GOPC: variants seen among roughly 807,000 people sequenced by gnomAD.
GOPC encodes Golgi-associated PDZ and coiled-coil motif-containing protein.
GOPC carries 32 observed loss-of-function variants against 51.2 expected under a neutral mutation model. The observed-to-expected ratio is 0.63, with a 90% CI of 0.47 to 0.84. GOPC has a LOEUF of 0.84. GOPC is among the 40% of genes least tolerant of loss of function. GOPC has a pLI of 0.00. For missense variants in GOPC, 441 were observed against 555.5 expected (o/e 0.79, Z 2.07); for synonymous variants, 190 against 205.1 (o/e 0.93, Z 0.63).
In GOPC at chr6:117,562,206, C is replaced by T. The variant is rs1275247937; in HGVS notation, c.*1048G>A. The T allele has an allele frequency of 4.8e-6, 1 of 207,668 alleles. No homozygotes were observed. Among genetic ancestry groups the T allele is most frequent in the Non-Finnish European group, 9.8e-6 (1 of 101,960 alleles). 12.9% of individuals were successfully genotyped at this position (207,668 alleles called of 1,614,324 possible). On this transcript the variant is annotated 3_prime_UTR_variant, in exon 9 of 9. Transcript: ENST00000368498. The stretch of plus-strand genomic sequence containing the variant: ...AGAGCTTTAGTCAAACATAAACTGA[C>T]ATGAAAACCCAACCAAAACAATTAC...
At chr6:117,570,783 C>T (rs1182382742) in intron 6 of GOPC, 77 bp downstream of exon 6, 15 of 561,810 alleles carry the variant, frequency 2.7e-5, no homozygotes, top group Non-Finnish European at 4.3e-5. Context: ...ATATTCTGTT[C>T]CCCAGTGATG....
rs1479231877 is a variant in GOPC at position 117,562,345 on chromosome 6, T to C, written c.*909A>G. The stretch of plus-strand genomic sequence containing the variant: ...TGTACTGTGTTTCATGACATAGTAA[T>C]AAATCTGAACTTTTACTACCAGAAA... On this transcript the variant is annotated 3_prime_UTR_variant, in exon 9 of 9. Transcript: ENST00000368498. 6 of 199,752 alleles carry C rather than the reference T, an allele frequency of 3.0e-5. No individual in the cohort carries two copies. Among genetic ancestry groups the C allele is most frequent in the Non-Finnish European group, 6.2e-5 (6 of 96,840 alleles). The allele number at this position is 199,752 out of a possible 1,614,324, so 12.4% of individuals were successfully genotyped here.
chr6:117,587,551 G>GAGCTGT (rs1212386808), intron 1 of GOPC, among the ~76,000 whole-genome samples: 1 of 151,524 alleles, frequency 6.6e-6, no homozygotes, highest in Non-Finnish European at 1.5e-5. Context: ...AAATTGTAAT[G>GAGCTGT]AGCTGTATGA....
chr6:117,565,807 C>T (rs779660741), intron 8 of GOPC, among the ~76,000 whole-genome samples: 15 of 152,032 alleles, frequency 9.9e-5, no homozygotes, highest in African/African-American at 2.4e-4. Flanking sequence ...CCAAATAGTC[C>T]GAAAATCCAT....
rs532861332 is a variant in GOPC at position 117,574,674 on chromosome 6, T to C, written c.650+503A>G. Among the ~76,000 whole-genome samples the C allele has an allele frequency of 5.6e-4, 86 of 152,320 alleles. 1 individual carries two copies. The highest frequency in any genetic ancestry group is 1.9e-3 in the African/African-American group (80 of 41,564). ...GTGTGTAAACTAAACATATTTAGTA[T>C]GGATAACTAGATCTGCGATACATAA... On this transcript the variant is annotated intron_variant, in intron 4 of 8. Coordinates refer to ENST00000368498, the MANE Select transcript of GOPC (RefSeq NM_020399.4).
At chr6:117,564,533 A>G (rs576348154) in intron 8 of GOPC, among the ~76,000 whole-genome samples, 12 of 152,212 alleles carry the variant, frequency 7.9e-5, no homozygotes, top group Non-Finnish European at 4.4e-5. Flanking sequence ...AGTGTTGACT[A>G]TATCACCTAT....
chr6:117,574,321 T>A (rs1779847879), intron 4 of GOPC, among the ~76,000 whole-genome samples: 1 of 152,210 alleles, frequency 6.6e-6, no homozygotes, highest in Non-Finnish European at 1.5e-5. Flanking sequence ...ATTTTTTCTT[T>A]GTTCCATGTT....
chr6:117,593,425 G>C (rs916394430), intron 1 of GOPC, among the ~76,000 whole-genome samples: 1 of 151,918 alleles, frequency 6.6e-6, no homozygotes, highest in Non-Finnish European at 1.5e-5. Context: ...TGTTTTATTT[G>C]TTTTTATTTA....
At chr6:117,581,506 T>G (rs1040801210) in intron 1 of GOPC, among the ~76,000 whole-genome samples, 1 of 151,900 alleles carries the variant, frequency 6.6e-6, no homozygotes, top group African/African-American at 2.4e-5. Flanking sequence ...AGGATCCTTC[T>G]TTTGACCCGC....
intron 1 of GOPC, among the ~76,000 whole-genome samples, chr6:117,580,251 A>T (rs1013202140): frequency 6.6e-6 from 1 of 152,122 alleles, no homozygotes; most frequent in Non-Finnish European, 1.5e-5. Flanking sequence ...TGCATAAAAG[A>T]TGCTCAAATT....
At chr6:117,570,635 T>G (rs1195307247) in intron 6 of GOPC, among the ~76,000 whole-genome samples, 2 of 152,012 alleles carry the variant, frequency 1.3e-5, no homozygotes, top group African/African-American at 4.8e-5. Context: ...TGAATCATAA[T>G]AAAAATGTTA....
chr6:117,589,224 T>C (rs1023263241), intron 1 of GOPC, among the ~76,000 whole-genome samples: 2 of 152,228 alleles, frequency 1.3e-5, no homozygotes, highest in Non-Finnish European at 2.9e-5. Context: ...ATAGGAGGGA[T>C]ACCCAAATGT....
intron 1 of GOPC, among the ~76,000 whole-genome samples, chr6:117,597,264 A>G (rs1250320064): frequency 1.3e-5 from 2 of 152,194 alleles, no homozygotes; most frequent in African/African-American, 4.8e-5. Context: ...GAATTCATTT[A>G]CCAGTTCTAG....
At chr6:117,594,913 C>T (rs1265499075) in intron 1 of GOPC, among the ~76,000 whole-genome samples, 1 of 152,172 alleles carries the variant, frequency 6.6e-6, no homozygotes, top group Non-Finnish European at 1.5e-5. Flanking sequence ...GGTTCACAAT[C>T]TTTATTCTAT....
In GOPC at chr6:117,602,457, G is replaced by A. The variant is rs1381698429; in HGVS notation, c.-169C>T. The stretch of plus-strand genomic sequence containing the variant: ...ACAGTCACAGAACCGCAGGAGTAAC[G>A]AGGCTGAAGCTGAGGCGGCAACGGC... On this transcript the variant is annotated 5_prime_UTR_variant, in exon 1 of 9. Coordinates refer to ENST00000368498, the MANE Select transcript of GOPC (RefSeq NM_020399.4). 3.0e-6 allele frequency: 2 copies of A among 657,324 alleles called. No individual in the cohort carries two copies. Among genetic ancestry groups the A allele is most frequent in the South Asian group, 3.9e-5 (2 of 51,302 alleles). The allele number at this position is 657,324 out of a possible 1,614,324, so 40.7% of individuals were successfully genotyped here. A position where few individuals can be genotyped will look rare whatever the true frequency, so the allele number is the denominator to read the frequency against.
At chr6:117,589,804 T>G (rs531820124) in intron 1 of GOPC, among the ~76,000 whole-genome samples, 1 of 152,320 alleles carries the variant, frequency 6.6e-6, no homozygotes, top group African/African-American at 2.4e-5. Flanking sequence ...AGTTGCTCCA[T>G]GATCAAACTG....
intron 1 of GOPC, among the ~76,000 whole-genome samples, chr6:117,594,560 C>T (rs1780164898): frequency 2.0e-5 from 3 of 152,072 alleles, no homozygotes; most frequent in Non-Finnish European, 1.5e-5. Flanking sequence ...TCCTAAGTGC[C>T]CAATACAGCA....
rs1307395795 is a variant in GOPC at position 117,560,744 on chromosome 6, TA to T, written c.*2509del. ...GAGAATTTTAGAGGTTAAGTGTAAATATATACACGCACACATACAACCCTCA... is the reference window on the plus strand; with the variant it reads ...GAGAATTTTAGAGGTTAAGTGTAAATTATACACGCACACATACAACCCTCA... On this transcript the variant is annotated 3_prime_UTR_variant, in exon 9 of 9. Transcript: ENST00000368498. The T allele has an allele frequency of 4.9e-6, 1 of 205,106 alleles. No homozygotes were observed. The highest frequency in any genetic ancestry group is 2.3e-5 in the African/African-American group (1 of 43,810). 12.7% of individuals were successfully genotyped at this position (205,106 alleles called of 1,614,324 possible). A position where few individuals can be genotyped will look rare whatever the true frequency, so the allele number is the denominator to read the frequency against.
At chr6:117,601,215 T>C (rs1404717709) in intron 1 of GOPC, among the ~76,000 whole-genome samples, 3 of 152,258 alleles carry the variant, frequency 2.0e-5, no homozygotes, top group Non-Finnish European at 4.4e-5. Flanking sequence ...TTTAATAATG[T>C]CCTTTTTAAA....
Sources: allele counts gnomAD v4.1 joint callset (sites outside exome capture counted in the v4.1 genomes callset), GRCh38; gene constraint gnomAD v4.1.1; transcripts MANE v1.5; gene names NCBI Gene and HGNC (gene_info 2026-07-23, HGNC 2026-07-21).